Variants in SEMA5A observed in about 807,000 individuals in gnomAD.
SEMA5A encodes the protein semaphorin 5A.
A neutral mutation model predicts 135.5 loss-of-function variants in SEMA5A; 55 were observed. The ratio of observed to expected loss-of-function variants is 0.41; its 90% CI spans 0.33 to 0.51. The LOEUF is 0.51. SEMA5A is among the 20% of genes least tolerant of loss of function. SEMA5A has a pLI of 0.37. For missense variants in SEMA5A, 1,290 were observed against 1,419.9 expected (o/e 0.91, Z 1.47); for synonymous variants, 580 against 546.5 (o/e 1.06, Z -0.85).
chr5:9,167,010 G>C (rs988078940), intron 11 of SEMA5A, among the ~76,000 whole-genome samples: 12 of 152,168 alleles, frequency 7.9e-5, no homozygotes, highest in Non-Finnish European at 1.8e-4. Flanking sequence ...AATTTATACT[G>C]TGTCTGGTCC....
At chr5:9,496,607 T>A (rs1735314872) in intron 1 of SEMA5A, among the ~76,000 whole-genome samples, 1 of 152,134 alleles carries the variant, frequency 6.6e-6, no homozygotes, top group African/African-American at 2.4e-5. Flanking sequence ...AGAAAATATG[T>A]CTAATTCAAC....
At chr5:9,416,304 T>C (rs748023629) in intron 2 of SEMA5A, among the ~76,000 whole-genome samples, 1 of 152,128 alleles carries the variant, frequency 6.6e-6, no homozygotes, top group African/African-American at 2.4e-5. Context: ...TCAGGGAAGA[T>C]AGAGGGTCAC....
chr5:9,348,216 C>T (rs1256526748), intron 3 of SEMA5A, among the ~76,000 whole-genome samples: 1 of 152,110 alleles, frequency 6.6e-6, no homozygotes, highest in Admixed American at 6.5e-5. Flanking sequence ...CTTTCAAGAT[C>T]TTGGTAAATT....
At chr5:9,217,842 C>T (rs770605569) in intron 8 of SEMA5A, among the ~76,000 whole-genome samples, 4 of 152,132 alleles carry the variant, frequency 2.6e-5, no homozygotes, top group Admixed American at 6.5e-5. Context: ...TCTGTCAGAC[C>T]TGTGAAGTTC....
At chr5:9,354,002 A>C (rs113606557) in intron 3 of SEMA5A, among the ~76,000 whole-genome samples, 1 of 151,644 alleles carries the variant, frequency 6.6e-6, no homozygotes, top group Non-Finnish European at 1.5e-5. Context: ...ACAAAAGCTG[A>C]CATTTATGGT....
chr5:9,402,810 A>G (rs1313277367), intron 2 of SEMA5A, among the ~76,000 whole-genome samples: 1 of 152,216 alleles, frequency 6.6e-6, no homozygotes, highest in African/African-American at 2.4e-5. Context: ...TGCCCCAGCC[A>G]GTATCCTGGT....
chr5:9,230,877 A>G (rs1335368216), intron 6 of SEMA5A, among the ~76,000 whole-genome samples: 1 of 152,122 alleles, frequency 6.6e-6, no homozygotes, highest in Non-Finnish European at 1.5e-5. Context: ...GTGGTATTCG[A>G]GTTTCTTCTT....
intron 18 of SEMA5A, among the ~76,000 whole-genome samples, chr5:9,057,768 C>T (rs115660049): frequency 0.019 from 2,904 of 152,250 alleles, 94 homozygotes; most frequent in African/African-American, 0.066. Flanking sequence ...TTACTCTGTC[C>T]GGAAGTTGCT....
At chr5:9,118,935 C>A (rs1740659498) in intron 15 of SEMA5A, 63 bp downstream of exon 15, 2 of 1,575,292 alleles carry the variant, frequency 1.3e-6, no homozygotes, top group African/African-American at 1.4e-5. Context: ...GCGGGGAACT[C>A]GACCTGGCCG....
chr5:9,180,977 A>G (rs1422014681), intron 11 of SEMA5A, among the ~76,000 whole-genome samples: 1 of 152,208 alleles, frequency 6.6e-6, no homozygotes, highest in African/African-American at 2.4e-5. Flanking sequence ...AGCAACCATA[A>G]AAAGATACTC....
intron 4 of SEMA5A, among the ~76,000 whole-genome samples, chr5:9,335,455 T>G (rs1434883646): frequency 6.6e-6 from 1 of 152,174 alleles, no homozygotes; most frequent in African/African-American, 2.4e-5. Flanking sequence ...AGCCAACCAC[T>G]TGCAGAGAAT....
rs540599075 is a variant in SEMA5A at position 9,529,940 on chromosome 5, C to T, written c.-175+15644G>A. Among the ~76,000 whole-genome samples the T allele has an allele frequency of 4.6e-5, 7 of 152,290 alleles. No individual in the cohort carries two copies. The South Asian group carries it at 1.2e-3, about 27-fold the overall frequency. ...TAGCCCTAGGCATAGTTCCCTGAAA[C>T]CCAAGTACCATCAGATCCGAAAGGT... On this transcript the variant is annotated intron_variant, in intron 1 of 22. Transcript: ENST00000382496.
intron 2 of SEMA5A, among the ~76,000 whole-genome samples, chr5:9,382,974 T>C (rs1004928574): frequency 6.6e-6 from 1 of 152,186 alleles, no homozygotes; most frequent in Non-Finnish European, 1.5e-5. Flanking sequence ...GTATAGCTTC[T>C]ATAGGAATAA....
Position 9,278,588 on chromosome 5 carries a change from C to T in SEMA5A, c.270+39784G>A, listed in dbSNP as rs1220618337. Among the ~76,000 whole-genome samples, 5 of 152,224 alleles carry T rather than the reference C, an allele frequency of 3.3e-5. No individual in the cohort carries two copies. The East Asian group carries it at 9.6e-4, about 29-fold the overall frequency. ...CATTTCAGAGACCTTCAGGGAAGCC[C>T]TCTCATCACAGGCCTGCAGGTCTAG... On this transcript the variant is annotated intron_variant, in intron 5 of 22. Coordinates refer to ENST00000382496, the MANE Select transcript of SEMA5A (RefSeq NM_003966.3).
rs2150305986 is a variant in SEMA5A at position 9,170,476 on chromosome 5, G to T, written c.1274-15781C>A. Among the ~76,000 whole-genome samples, 2 of 152,108 alleles carry T rather than the reference G, an allele frequency of 1.3e-5. 1 individual carries two copies. The highest frequency in any genetic ancestry group is 4.2e-4 in the South Asian group (2 of 4,806). ...GCATATTGAAATAGGCTGAATATTT[G>T]TGCCCCCCTACCCCCAGATTTAGAG... On this transcript the variant is annotated intron_variant, in intron 11 of 22. Transcript: ENST00000382496.
chr5:9,422,918 T>C (rs745988203), intron 2 of SEMA5A, among the ~76,000 whole-genome samples: 1 of 152,222 alleles, frequency 6.6e-6, no homozygotes, highest in Non-Finnish European at 1.5e-5. Flanking sequence ...GGATCAACTG[T>C]AAAATCATTT....
intron 4 of SEMA5A, among the ~76,000 whole-genome samples, chr5:9,320,898 TAC>T (rs374143903): frequency 6.6e-6 from 1 of 152,088 alleles, no homozygotes; most frequent in South Asian, 2.1e-4. Flanking sequence ...GCAAGAAATC[TAC>T]ACACACACAC....
intron 5 of SEMA5A, among the ~76,000 whole-genome samples, chr5:9,287,354 A>G (rs375183045): frequency 6.6e-6 from 1 of 152,232 alleles, no homozygotes; most frequent in South Asian, 2.1e-4. Flanking sequence ...GATATTATTC[A>G]GTTTAAGCAG....
At chr5:9,407,005 C>T (rs1756911338) in intron 2 of SEMA5A, among the ~76,000 whole-genome samples, 1 of 152,194 alleles carries the variant, frequency 6.6e-6, no homozygotes, top group Non-Finnish European at 1.5e-5. Context: ...TCATTTTGGA[C>T]AGGATACATG....
Sources: allele counts gnomAD v4.1 joint callset (sites outside exome capture counted in the v4.1 genomes callset), GRCh38; gene constraint gnomAD v4.1.1; transcripts MANE v1.5; gene names NCBI Gene and HGNC (gene_info 2026-07-23, HGNC 2026-07-21).